The following SNX25 variants were observed in gnomAD, a reference collection of about 807,000 sequenced individuals.
SNX25 encodes the protein sorting nexin-25.
SNX25 carries 62 observed loss-of-function variants against 113.7 expected under a neutral mutation model. The ratio of observed to expected loss-of-function variants is 0.55; its 90% confidence interval spans 0.44 to 0.67. The LOEUF is 0.67. Ranked by LOEUF, SNX25 falls within the 30% of genes least tolerant of loss-of-function variation. The pLI is 0.00. For synonymous variants in SNX25, 421 were observed against 436.2 expected, an observed-to-expected ratio of 0.97 and a Z score of 0.43; for missense variants, 1,014 against 1,161.0, an observed-to-expected ratio of 0.87 and a Z score of 1.84.
At position 185,252,606 on chromosome 4, in the gene SNX25, A is replaced by T. The variant is rs531860372; in HGVS notation, c.514+5228A>T. 4.5e-4 allele frequency among the ~76,000 whole-genome samples: 68 copies of T among 152,300 alleles called. 2 individuals carry two copies. In the South Asian group the frequency reaches 0.014, roughly 31 times the overall value. ...ATTGGTTTTAGAGTGTGTAATTTAA[A>T]AACATTTAAAGAGTTAAGTACCACA... is the stretch of plus-strand genomic sequence containing the variant. On this transcript the variant is annotated intron_variant, in intron 2 of 18. Coordinates refer to ENST00000652585, the MANE Select transcript of SNX25 (RefSeq NM_001378034.2).
chr4:185,298,646 A>G (rs992270436), intron 6 of SNX25, among the ~76,000 whole-genome samples: 5 of 152,084 alleles, frequency 3.3e-5, no homozygotes, highest in African/African-American at 1.2e-4. Context: ...GTCTCTCTGC[A>G]TTCCAGCCAC....
rs1181832551 is a variant in SNX25, at chr4:185,228,508, A to G, written c.429+18253A>G. 1.2e-4 allele frequency among the ~76,000 whole-genome samples: 10 copies of G among 85,062 alleles called. No individual in the cohort carries two copies. In the Admixed American group the frequency reaches 1.3e-3, roughly 11 times the overall value. The allele number at this position is 85,062 out of a possible 152,430, so 55.8% of individuals were successfully genotyped here. A position where few individuals can be genotyped will look rare whatever the true frequency, so the allele number is the denominator to read the frequency against. On this transcript the variant is annotated intron_variant, in intron 1 of 18. Coordinates refer to ENST00000652585, the MANE Select transcript of SNX25 (RefSeq NM_001378034.2). ...AAATTAATTACTGATAGTGAGAACT[A>G]TGATAACGTGTAGAGGATAATTTTT...
At chr4:185,303,525 G>T (rs1044122277) in intron 6 of SNX25, among the ~76,000 whole-genome samples, 1 of 152,014 alleles carries the variant, frequency 6.6e-6, no homozygotes, top group African/African-American at 2.4e-5. Context: ...CGGGCGTGGT[G>T]GTGGGCACCT....
chr4:185,310,600 C>T, intron 6 of SNX25, 35 bp from the exon 7 acceptor site: 1 of 1,588,932 alleles, frequency 6.3e-7, no homozygotes, highest in Non-Finnish European at 8.6e-7. Context: ...ATGCCTTGTC[C>T]TCTGACCAGG....
At chr4:185,338,022 A>G (rs995543635) in intron 10 of SNX25, among the ~76,000 whole-genome samples, 1 of 152,066 alleles carries the variant, frequency 6.6e-6, no homozygotes, top group African/African-American at 2.4e-5. Context: ...TGGGTTGTTT[A>G]TGGTTTTGTT....
chr4:185,296,191 G>A (rs543387992), intron 6 of SNX25, among the ~76,000 whole-genome samples: 88 of 152,164 alleles, frequency 5.8e-4, no homozygotes, highest in African/African-American at 1.7e-3. Context: ...TGGCCTTGTC[G>A]TCTCCTACAG....
intron 16 of SNX25, among the ~76,000 whole-genome samples, chr4:185,360,197 G>T (rs2095355459): frequency 6.6e-6 from 1 of 152,192 alleles, no homozygotes; most frequent in Non-Finnish European, 1.5e-5. Flanking sequence ...AGGCAGGCAG[G>T]TCAGCAGATT....
At chr4:185,293,492 G>A (rs917424969) in intron 6 of SNX25, among the ~76,000 whole-genome samples, 8 of 152,190 alleles carry the variant, frequency 5.3e-5, no homozygotes, top group Admixed American at 5.2e-4. Context: ...GAAGCCAGAT[G>A]CAATAGGGCA....
At chr4:185,329,145 G>T (rs370484297) in intron 9 of SNX25, among the ~76,000 whole-genome samples, 3 of 152,156 alleles carry the variant, frequency 2.0e-5, no homozygotes, top group African/African-American at 4.8e-5. Context: ...TTTGCTATTC[G>T]TGGTTATAAA....
At chr4:185,228,186 G>GTGT (rs1479357915) in intron 1 of SNX25, among the ~76,000 whole-genome samples, 1 of 152,154 alleles carries the variant, frequency 6.6e-6, no homozygotes, top group Non-Finnish European at 1.5e-5. Flanking sequence ...AAGAGAAAGT[G>GTGT]GTACCTAGAG....
Position 185,323,819 on chromosome 4 carries a change from T to C in SNX25, c.1749+19T>C, listed in dbSNP as rs756389618. 6.2e-7 allele frequency: 1 copy of C among 1,607,634 alleles called. No homozygotes were observed. Among genetic ancestry groups the C allele is most frequent in the Admixed American group, 1.7e-5 (1 of 58,062 alleles). The stretch of plus-strand genomic sequence containing the variant: ...TGAGATGGTGAGTCACATTTAACTT[T>C]CTGCTCCTTTTTATTGGATAAGCTT... On this transcript the variant is annotated intron_variant, in intron 9 of 18. Coordinates refer to ENST00000652585, the MANE Select transcript of SNX25 (RefSeq NM_001378034.2).
intron 8 of SNX25, among the ~76,000 whole-genome samples, chr4:185,322,422 T>C (rs1271629619): frequency 6.6e-6 from 1 of 151,998 alleles, no homozygotes; most frequent in East Asian, 1.9e-4. Flanking sequence ...ACAGCAAGAT[T>C]TGGTCTTGGG....
intron 10 of SNX25, among the ~76,000 whole-genome samples, chr4:185,335,851 T>C (rs2095226741): frequency 6.6e-6 from 1 of 152,194 alleles, no homozygotes; most frequent in Admixed American, 6.5e-5. Flanking sequence ...GGAGCAAATA[T>C]GCTGGTTATG....
chr4:185,269,653 A>T (rs1748629576), intron 5 of SNX25, among the ~76,000 whole-genome samples: 4 of 152,178 alleles, frequency 2.6e-5, no homozygotes, highest in Admixed American at 2.0e-4. Context: ...TTGTGTGCCA[A>T]ACTGAAGATT....
At chr4:185,264,342 C>T in intron 3 of SNX25, 96 bp from the exon 4 acceptor site, 2 of 1,170,778 alleles carry the variant, frequency 1.7e-6, no homozygotes, top group Non-Finnish European at 2.4e-6. Flanking sequence ...TTACTATAAC[C>T]AATGTGTTTC....
At chr4:185,244,094 CTCAG>C (rs1744485328) in intron 1 of SNX25, among the ~76,000 whole-genome samples, 1 of 152,118 alleles carries the variant, frequency 6.6e-6, no homozygotes, top group South Asian at 2.1e-4. Context: ...ATCTCCTGGG[CTCAG>C]TCAGACCTCC....
intron 6 of SNX25, among the ~76,000 whole-genome samples, chr4:185,292,273 GA>G (rs1752280613): frequency 6.6e-6 from 1 of 151,980 alleles, no homozygotes; most frequent in Non-Finnish European, 1.5e-5. Context: ...GTGACGAGGG[GA>G]AAAAAGTAAA....
chr4:185,253,397 A>G (rs568055530), intron 2 of SNX25, among the ~76,000 whole-genome samples: 1 of 152,274 alleles, frequency 6.6e-6, no homozygotes, highest in Non-Finnish European at 1.5e-5. Context: ...ATATCTTAGA[A>G]TTAAATACCG....
chr4:185,215,841 G>A (rs1003689615), intron 1 of SNX25, among the ~76,000 whole-genome samples: 1 of 150,890 alleles, frequency 6.6e-6, no homozygotes, highest in African/African-American at 2.4e-5. Context: ...CCAGATTGGA[G>A]GGCAGTGGTG....
Sources: gnomAD v4.1 joint callset for allele counts (sites outside exome capture counted in the v4.1 genomes callset) on GRCh38, gnomAD v4.1.1 for gene constraint, MANE v1.5 for transcripts, NCBI Gene and HGNC (gene_info 2026-07-23, HGNC 2026-07-21) for gene names.